The following SETBP1 variants were observed in gnomAD, a reference collection of about 807,000 sequenced individuals.
SETBP1 encodes the protein SET-binding protein.
In SETBP1, 9 loss-of-function variants were observed where a neutral mutation model predicts 101.0. The ratio of observed to expected loss-of-function variants is 0.09; its 90% CI spans 0.05 to 0.16. The LOEUF is 0.16. Ranked by LOEUF, SETBP1 falls within the 10% of genes least tolerant of loss-of-function variation. SETBP1 has a pLI of 1.00. For synonymous variants in SETBP1, 818 were observed against 788.5 expected (o/e 1.04, Z -0.63); for missense variants, 1,858 against 2,033.8 (o/e 0.91, Z 1.66).
intron 2 of SETBP1, among the ~76,000 whole-genome samples, chr18:44,734,015 G>A (rs2069902814): frequency 6.6e-6 from 1 of 152,158 alleles, no homozygotes; most frequent in South Asian, 2.1e-4. Flanking sequence ...CAGAGCTGGG[G>A]GAGTGAGTAA....
chr18:44,847,648 T>G (rs1011193802), intron 2 of SETBP1, among the ~76,000 whole-genome samples: 1 of 152,204 alleles, frequency 6.6e-6, no homozygotes, highest in African/African-American at 2.4e-5. Context: ...GGTAGGGCAC[T>G]GAATAAAACA....
chr18:44,764,269 C>A (rs973215988), intron 2 of SETBP1, among the ~76,000 whole-genome samples: 6 of 152,210 alleles, frequency 3.9e-5, no homozygotes, highest in Non-Finnish European at 7.3e-5. Context: ...ATTTCTTCTG[C>A]CTGTAAGATT....
At chr18:44,869,491 T>C in intron 3 of SETBP1, 1 of 614,402 alleles carries the variant, frequency 1.6e-6, no homozygotes. Context: ...TTTCTGCTCT[T>C]TCGTTCCTAA....
intron 1 of SETBP1, among the ~76,000 whole-genome samples, chr18:44,687,146 G>A (rs1568089862): frequency 6.6e-6 from 1 of 152,202 alleles, no homozygotes; most frequent in East Asian, 1.9e-4. Context: ...TGGCCTAAGA[G>A]GTCAAGAAGG....
intron 4 of SETBP1, among the ~76,000 whole-genome samples, chr18:44,966,579 G>A (rs2071725619): frequency 1.3e-5 from 2 of 152,204 alleles, no homozygotes; most frequent in Non-Finnish European, 1.5e-5. Context: ...GAGAATCGCA[G>A]TCATGTCATA....
In SETBP1 at chr18:44,952,651, C is replaced by T; in HGVS notation, c.3311C>T (p.Ser1104Phe). 1 of 1,614,060 alleles carries T rather than the reference C, an allele frequency of 6.2e-7. No homozygotes were observed. The highest frequency in any genetic ancestry group is 2.2e-5 in the East Asian group (1 of 44,870). ...QFHTNSHVKM[S>F]GAAKHKAKHG... ...CACACAAACTCCCACGTAAAGATGT[C>T]CGGTGCAGCTAAGCATAAAGCCAAG... Residue 1104 changes from serine (S) to phenylalanine (F), a missense_variant, in exon 4 of 6, where the codon TCC becomes TTC. Physicochemically the swap from Ser to Phe is radical, Grantham distance 155. Around this residue, in one of 12 missense-constraint regions of SETBP1, gnomAD observed 255 missense variants for 300.1 expected, o/e 0.85. Coordinates refer to ENST00000649279, the MANE Select transcript of SETBP1 (RefSeq NM_015559.3).
intron 4 of SETBP1, among the ~76,000 whole-genome samples, chr18:45,033,892 C>T (rs900647334): frequency 6.6e-6 from 1 of 152,168 alleles, no homozygotes; most frequent in Non-Finnish European, 1.5e-5. Context: ...CCTCTCTGAA[C>T]CCCTTGACTT....
At chr18:44,963,807 T>C (rs1405024852) in intron 4 of SETBP1, among the ~76,000 whole-genome samples, 1 of 144,898 alleles carries the variant, frequency 6.9e-6, no homozygotes, top group African/African-American at 2.6e-5. Context: ...GGACGACTGC[T>C]TGAGCCCAGG....
intron 2 of SETBP1, among the ~76,000 whole-genome samples, chr18:44,753,470 C>T (rs991362839): frequency 1.2e-4 from 18 of 152,220 alleles, no homozygotes; most frequent in African/African-American, 4.1e-4. Context: ...TAACCTTTGA[C>T]AGACTTGTGT....
chr18:44,846,200 T>A (rs901739237), intron 2 of SETBP1, among the ~76,000 whole-genome samples: 5 of 152,254 alleles, frequency 3.3e-5, no homozygotes, highest in African/African-American at 7.2e-5. Flanking sequence ...GTGAATTTTT[T>A]AAAAATAATC....
chr18:44,937,969 C>T (rs998648345), intron 3 of SETBP1, among the ~76,000 whole-genome samples: 6 of 152,186 alleles, frequency 3.9e-5, no homozygotes, highest in Admixed American at 1.3e-4. Flanking sequence ...ATGTTCTTAT[C>T]ACTTCGACAC....
At position 44,866,597 on chromosome 18, in the gene SETBP1, G is replaced by A. The variant is rs780569533; in HGVS notation, c.487-2633G>A. On this transcript the variant is annotated intron_variant, in intron 2 of 5. Transcript: ENST00000649279. ...CGAGTAAAAATACACACAACAGCAC[G>A]AAACAAAACTAGGAAGATATCTACC... Among the ~76,000 whole-genome samples, 63 of 152,188 alleles carry A rather than the reference G, an allele frequency of 4.1e-4. 1 individual carries two copies. The highest frequency in any genetic ancestry group is 5.1e-4 in the Non-Finnish European group (35 of 68,038).
At chr18:44,843,355 C>T (rs1431637621) in intron 2 of SETBP1, among the ~76,000 whole-genome samples, 3 of 152,230 alleles carry the variant, frequency 2.0e-5, no homozygotes, top group Non-Finnish European at 2.9e-5. Flanking sequence ...TACTCATGCA[C>T]ACCACACCCC....
At chr18:44,972,351 C>T (rs532394434) in intron 4 of SETBP1, among the ~76,000 whole-genome samples, 203 of 152,176 alleles carry the variant, frequency 1.3e-3, no homozygotes, top group African/African-American at 4.6e-3. Context: ...ATTGACTTGG[C>T]GATGCGGGCT....
At chr18:44,887,650 A>G (rs2069679121) in intron 3 of SETBP1, among the ~76,000 whole-genome samples, 1 of 152,200 alleles carries the variant, frequency 6.6e-6, no homozygotes, top group African/African-American at 2.4e-5. Context: ...CAAGGGCCAC[A>G]GAATATCTTC....
intron 3 of SETBP1, among the ~76,000 whole-genome samples, chr18:44,894,487 T>A (rs1432420570): frequency 6.6e-6 from 1 of 151,986 alleles, no homozygotes; most frequent in Non-Finnish European, 1.5e-5. Flanking sequence ...TTAATTTGAA[T>A]GTTAAAGGAC....
intron 3 of SETBP1, among the ~76,000 whole-genome samples, chr18:44,941,550 C>T (rs1023982391): frequency 6.6e-6 from 1 of 152,192 alleles, no homozygotes; most frequent in South Asian, 2.1e-4. Context: ...AATATGTATA[C>T]ACTAATCTTT....
chr18:44,696,732 C>T (rs1439177092), intron 1 of SETBP1, among the ~76,000 whole-genome samples: 2 of 152,206 alleles, frequency 1.3e-5, no homozygotes, highest in South Asian at 2.1e-4. Context: ...CCAACCCATT[C>T]ATTGCTAAGG....
chr18:44,712,953 C>CTTTTTTTT, intron 2 of SETBP1, among the ~76,000 whole-genome samples: 1 of 64,898 alleles, frequency 1.5e-5, no homozygotes, highest in Non-Finnish European at 2.8e-5. Flanking sequence ...CAGCATCCCT[C>CTTTTTTTT]TTTTTTTTTT....
Sources: allele counts gnomAD v4.1 joint callset (sites outside exome capture counted in the v4.1 genomes callset), GRCh38; gene constraint gnomAD v4.1.1; regional missense constraint gnomAD v4.1.1; transcripts MANE v1.5; gene names NCBI Gene and HGNC (gene_info 2026-07-23, HGNC 2026-07-21).